Variants in CYP46A1 observed in about 807,000 individuals in gnomAD.
CYP46A1 encodes cholesterol 24-hydroxylase.
CYP46A1 carries 20 observed loss-of-function variants against 63.3 expected under a neutral mutation model. The observed-to-expected ratio is 0.32, with a 90% CI of 0.22 to 0.46. The LOEUF is 0.46. Ranked by LOEUF, CYP46A1 falls within the 20% of genes least tolerant of loss-of-function variation. CYP46A1 has a pLI of 1.00. For missense variants in CYP46A1, 445 were observed against 670.8 expected, an observed-to-expected ratio of 0.66 and a Z score of 3.72; for synonymous variants, 268 against 273.6, an observed-to-expected ratio of 0.98 and a Z score of 0.20.
In CYP46A1 at chr14:99,721,824, G is replaced by T. The variant is rs563010949; in HGVS notation, c.1066-132G>T. On this transcript the variant is annotated intron_variant, in intron 11 of 14. Coordinates refer to ENST00000261835, the MANE Select transcript of CYP46A1 (RefSeq NM_006668.2). ...TGAGGCTGATGTCCCAGGGGCCTGG[G>T]ACCCAGGCCAGGGTGAGGGTATGCA... The T allele has an allele frequency of 1.2e-4, 76 of 636,390 alleles. No homozygotes were observed. In the African/African-American group the frequency reaches 1.4e-3, roughly 12 times the overall value. 39.4% of individuals were successfully genotyped at this position (636,390 alleles called of 1,614,324 possible).
At chr14:99,713,946 A>G (rs1315963988) in intron 7 of CYP46A1, among the ~76,000 whole-genome samples, 1 of 152,054 alleles carries the variant, frequency 6.6e-6, no homozygotes, top group African/African-American at 2.4e-5. Flanking sequence ...CCGCACAGCA[A>G]AAGAAACTAT....
rs1010367388 is a variant in CYP46A1 at position 99,725,971 on chromosome 14, G to C, written c.1266-219G>C. On this transcript the variant is annotated intron_variant, in intron 13 of 14. Transcript: ENST00000261835. The surrounding 1 kb of genome is among the most constrained non-coding windows in gnomAD (Gnocchi z 4.2). ...CTCAGTTTCTCCATCTGTGAAATGG[G>C]GACAACAGCAGTTCCTTCCAGGAGG... Among the ~76,000 whole-genome samples, 1 of 152,192 alleles carries C rather than the reference G, an allele frequency of 6.6e-6. No individual in the cohort carries two copies. The highest frequency in any genetic ancestry group is 2.4e-5 in the African/African-American group (1 of 41,446).
intron 2 of CYP46A1, 72 bp downstream of exon 2, chr14:99,691,233 C>A: frequency 1.4e-6 from 2 of 1,444,874 alleles, no homozygotes; most frequent in Non-Finnish European, 1.9e-6. Context: ...CCCAATCCAG[C>A]ACACAGACTC....
At position 99,722,542 on chromosome 14, in the gene CYP46A1, T is replaced by C. The variant is rs372804519; in HGVS notation, c.1176+476T>C. 1.3e-3 allele frequency among the ~76,000 whole-genome samples: 200 copies of C among 152,188 alleles called. No individual in the cohort carries two copies. Among genetic ancestry groups the C allele is most frequent in the Middle Eastern group, 6.8e-3 (2 of 294 alleles). ...ATTCATCCAGGCATTTACTCATGTATGATAGCCCCTAAACCCACCCCCAAA... is the reference window on the plus strand; with the variant it reads ...ATTCATCCAGGCATTTACTCATGTACGATAGCCCCTAAACCCACCCCCAAA... On this transcript the variant is annotated intron_variant, in intron 12 of 14. Coordinates refer to ENST00000261835, the MANE Select transcript of CYP46A1 (RefSeq NM_006668.2). The surrounding 1 kb of genome is among the most constrained non-coding windows in gnomAD (Gnocchi z 4.6).
Position 99,726,788 on chromosome 14 carries a change from C to A in CYP46A1, c.*61C>A. The A allele has an allele frequency of 1.5e-6, 2 of 1,320,038 alleles. No individual in the cohort carries two copies. Among genetic ancestry groups the A allele is most frequent in the Middle Eastern group, 2.7e-4 (1 of 3,684 alleles). The allele number at this position is 1,320,038 out of a possible 1,614,324, so 81.8% of individuals were successfully genotyped here. On this transcript the variant is annotated 3_prime_UTR_variant, in exon 15 of 15. Coordinates refer to ENST00000261835, the MANE Select transcript of CYP46A1 (RefSeq NM_006668.2). ...GGGCCGTGCCCGCCCACCTCTGCTG[C>A]CCACGGCCACCCACCCTTCTCCCCT...
intron 8 of CYP46A1, 34 bp downstream of exon 8, chr14:99,715,994 G>C (rs757796043): frequency 6.3e-7 from 1 of 1,594,950 alleles, no homozygotes; most frequent in Admixed American, 1.7e-5. Context: ...TGGGGAGGGC[G>C]GGGTGGGCCA....
intron 1 of CYP46A1, chr14:99,684,791 A>G (rs1200344950): frequency 5.1e-6 from 3 of 586,588 alleles, no homozygotes; most frequent in Non-Finnish European, 9.6e-6. Context: ...GGTAGGCGCT[A>G]TTGTTAACCC....
chr14:99,717,273 T>C (rs1306771394), intron 9 of CYP46A1, among the ~76,000 whole-genome samples: 1 of 152,076 alleles, frequency 6.6e-6, no homozygotes, highest in Non-Finnish European at 1.5e-5. Context: ...GTCCCTCCAG[T>C]CTATCCCTGA....
intron 5 of CYP46A1, 107 bp from the exon 6 acceptor site, chr14:99,706,540 A>G: frequency 1.4e-6 from 2 of 1,467,386 alleles, no homozygotes; most frequent in Non-Finnish European, 1.8e-6. Context: ...GGGAGGGACC[A>G]CCCACCTTCA....
chr14:99,697,696 G>A (rs756703278), intron 3 of CYP46A1, among the ~76,000 whole-genome samples: 47 of 152,120 alleles, frequency 3.1e-4, no homozygotes, highest in Non-Finnish European at 6.0e-4. Flanking sequence ...GTGTGCCATC[G>A]GTGTGTGTGT....
intron 7 of CYP46A1, among the ~76,000 whole-genome samples, chr14:99,713,865 CAAAAAAA>C (rs71113218): frequency 1.5e-4 from 10 of 67,568 alleles, no homozygotes; most frequent in Admixed American, 6.7e-4. Flanking sequence ...GACTCCATCT[CAAAAAAA>C]AAAAAAAAAA....
chr14:99,703,150 G>T (rs117769737), intron 5 of CYP46A1, among the ~76,000 whole-genome samples: 2 of 152,300 alleles, frequency 1.3e-5, no homozygotes, highest in Non-Finnish European at 2.9e-5. Context: ...CCTCTGTGGG[G>T]CATTGTATCA....
intron 3 of CYP46A1, among the ~76,000 whole-genome samples, chr14:99,698,972 C>T (rs2056607881): frequency 6.6e-6 from 1 of 152,186 alleles, no homozygotes; most frequent in South Asian, 2.1e-4. Context: ...AGGGCAAGTC[C>T]TTAGCAGTTT....
At chr14:99,716,001 G>A (rs1290024505) in intron 8 of CYP46A1, 41 bp downstream of exon 8, 9 of 578,090 alleles carry the variant, frequency 1.6e-5, no homozygotes, top group Non-Finnish European at 2.6e-5. Flanking sequence ...GGCGGGGTGG[G>A]CCAGGACGTT....
intron 12 of CYP46A1, chr14:99,723,015 G>A (rs994159643): frequency 1.5e-5 from 6 of 406,498 alleles, no homozygotes; most frequent in Admixed American, 9.9e-5. Context: ...CAACTTGGAT[G>A]CCCAGTAGTG....
intron 1 of CYP46A1, among the ~76,000 whole-genome samples, chr14:99,688,498 C>A (rs888156075): frequency 6.6e-6 from 1 of 152,176 alleles, no homozygotes; most frequent in African/African-American, 2.4e-5. Context: ...CAGGCCCACG[C>A]ACACCTTCCA....
intron 3 of CYP46A1, among the ~76,000 whole-genome samples, chr14:99,697,264 C>T (rs1476989593): frequency 6.6e-6 from 1 of 152,098 alleles, no homozygotes; most frequent in Non-Finnish European, 1.5e-5. Context: ...GTACTTTGTC[C>T]TGCTCTTTCT....
chr14:99,696,665 C>T (rs1420429744), intron 3 of CYP46A1, among the ~76,000 whole-genome samples: 1 of 152,054 alleles, frequency 6.6e-6, no homozygotes, highest in Non-Finnish European at 1.5e-5. Flanking sequence ...ATGTGGGTTC[C>T]ATGATCATAT....
chr14:99,701,376 A>G (rs1000000792), intron 5 of CYP46A1, among the ~76,000 whole-genome samples: 1 of 152,238 alleles, frequency 6.6e-6, no homozygotes, highest in Non-Finnish European at 1.5e-5. Flanking sequence ...ACCATTTAAA[A>G]AAATCTTTTA....
Sources: allele counts gnomAD v4.1 joint callset (sites outside exome capture counted in the v4.1 genomes callset), GRCh38; gene constraint gnomAD v4.1.1; non-coding constraint Gnocchi (gnomAD v3.1); transcripts MANE v1.5; gene names NCBI Gene and HGNC (gene_info 2026-07-23, HGNC 2026-07-21).